REEP1: variants seen among roughly 807,000 people sequenced by gnomAD.
The protein encoded by REEP1 is receptor accessory protein 1.
Under a neutral mutation model 40.3 loss-of-function variants are expected in REEP1, and 22 were observed. The ratio of observed to expected loss-of-function variants is 0.55; its 90% CI spans 0.39 to 0.78. REEP1 has a LOEUF of 0.78. Ranked by LOEUF, REEP1 falls within the 30% of genes least tolerant of loss-of-function variation. The pLI is 0.00. For missense variants in REEP1, 280 were observed against 361.1 expected (o/e 0.78, Z 1.82); for synonymous variants, 116 against 139.2 (o/e 0.83, Z 1.17).
In REEP1 at chr2:86,216,879, A is replaced by G. The variant is rs533926785; in HGVS notation, c.*160T>C. 4 of 641,086 alleles carry G rather than the reference A, an allele frequency of 6.2e-6. No individual in the cohort carries two copies. In the East Asian group the frequency reaches 8.3e-5, roughly 13 times the overall value. The allele number at this position is 641,086 out of a possible 1,614,324, so 39.7% of individuals were successfully genotyped here. A position where few individuals can be genotyped will look rare whatever the true frequency, so the allele number is the denominator to read the frequency against. On this transcript the variant is annotated 3_prime_UTR_variant, in exon 9 of 9. Coordinates refer to ENST00000538924, the MANE Select transcript of REEP1 (RefSeq NM_001371279.1). ...GCAAAATAAAGAAAAGGGGGAAAAA[A>G]ATAAATCCTTAAAAGTGGAAGGGGA...
chr2:86,316,808 G>A (rs747736612), intron 1 of REEP1, among the ~76,000 whole-genome samples: 2 of 152,106 alleles, frequency 1.3e-5, no homozygotes, highest in Non-Finnish European at 1.5e-5. Flanking sequence ...GCAGTGGGCC[G>A]AGATCGTGCC....
At chr2:86,294,723 T>TCAGA (rs142324349) in intron 1 of REEP1, among the ~76,000 whole-genome samples, 15 of 148,866 alleles carry the variant, frequency 1.0e-4, no homozygotes, top group Non-Finnish European at 1.5e-4. Flanking sequence ...GATTTATATT[T>TCAGA]TAGATAGATA....
chr2:86,317,102 A>C (rs1308028029), intron 1 of REEP1, among the ~76,000 whole-genome samples: 1 of 152,184 alleles, frequency 6.6e-6, no homozygotes, highest in Non-Finnish European at 1.5e-5. Flanking sequence ...CACAATTGTC[A>C]GACCTGGGTC....
chr2:86,307,673 G>C (rs951125576), intron 1 of REEP1, among the ~76,000 whole-genome samples: 1 of 151,898 alleles, frequency 6.6e-6, no homozygotes, highest in African/African-American at 2.4e-5. Flanking sequence ...AGGCTGCCAT[G>C]AGCCGTGATG....
intron 1 of REEP1, among the ~76,000 whole-genome samples, chr2:86,282,553 C>A (rs1678155202): frequency 6.6e-6 from 1 of 151,204 alleles, no homozygotes; most frequent in Admixed American, 6.6e-5. Context: ...TTAAAGGCTG[C>A]CTTTCCTCTC....
rs1348890728 is a variant in REEP1, at chr2:86,326,687, G to A, written c.32+10792C>T. ...AGATCATGCCATTGCACTCCAGCCTGGGCGACAAGAGTAAAACTCCATCTC... is the reference window on the plus strand; with the variant it reads ...AGATCATGCCATTGCACTCCAGCCTAGGCGACAAGAGTAAAACTCCATCTC... On this transcript the variant is annotated intron_variant, in intron 1 of 8. Coordinates refer to ENST00000538924, the MANE Select transcript of REEP1 (RefSeq NM_001371279.1). 2.6e-5 allele frequency among the ~76,000 whole-genome samples: 4 copies of A among 151,634 alleles called. No individual in the cohort carries two copies. In the South Asian group the frequency reaches 8.4e-4, roughly 32 times the overall value.
chr2:86,324,935 A>G (rs986212226), intron 1 of REEP1, among the ~76,000 whole-genome samples: 1 of 152,258 alleles, frequency 6.6e-6, no homozygotes, highest in Non-Finnish European at 1.5e-5. Flanking sequence ...CAATAAAGGT[A>G]GTGTTCTAGT....
intron 1 of REEP1, among the ~76,000 whole-genome samples, chr2:86,286,408 T>A (rs1678402140): frequency 6.6e-6 from 1 of 152,170 alleles, no homozygotes; most frequent in South Asian, 2.1e-4. Flanking sequence ...CAAAGAATCA[T>A]CCATTCCAAA....
chr2:86,256,949 T>TA (rs1283696960), intron 3 of REEP1, among the ~76,000 whole-genome samples: 2 of 152,122 alleles, frequency 1.3e-5, no homozygotes, highest in East Asian at 3.9e-4. Flanking sequence ...CAGACACCCC[T>TA]ATCCCCCAGT....
At chr2:86,271,912 T>C (rs1338435104) in intron 2 of REEP1, among the ~76,000 whole-genome samples, 2 of 152,168 alleles carry the variant, frequency 1.3e-5, no homozygotes, top group African/African-American at 4.8e-5. Flanking sequence ...AAAAGGACAA[T>C]GATAACAATT....
chr2:86,317,362 C>A (rs895493235), intron 1 of REEP1, among the ~76,000 whole-genome samples: 47 of 152,080 alleles, frequency 3.1e-4, no homozygotes, highest in African/African-American at 1.1e-3. Flanking sequence ...AGTTGAATTT[C>A]TTAGGGTGGT....
chr2:86,241,721 C>T (rs967019625), intron 5 of REEP1, among the ~76,000 whole-genome samples: 4 of 152,214 alleles, frequency 2.6e-5, no homozygotes, highest in African/African-American at 9.7e-5. Flanking sequence ...TCACTCAAAC[C>T]CCTGCTTGGT....
chr2:86,229,868 T>C (rs553226496), intron 6 of REEP1, among the ~76,000 whole-genome samples: 34 of 152,122 alleles, frequency 2.2e-4, no homozygotes, highest in African/African-American at 8.0e-4. Context: ...CTCCTCAGCC[T>C]CCCAAAGTGC....
chr2:86,306,571 T>C (rs1679488048), intron 1 of REEP1, among the ~76,000 whole-genome samples: 2 of 152,200 alleles, frequency 1.3e-5, no homozygotes, highest in African/African-American at 4.8e-5. Context: ...AGCAACATTT[T>C]TCCAGAGGCT....
At chr2:86,249,668 C>T (rs1010843417) in intron 5 of REEP1, among the ~76,000 whole-genome samples, 4 of 151,824 alleles carry the variant, frequency 2.6e-5, no homozygotes, top group Non-Finnish European at 5.9e-5. Flanking sequence ...GCATGCAAGC[C>T]AGATTTGGAC....
rs1022954946 is a variant in REEP1 at position 86,238,599 on chromosome 2, T to C, written c.418-5797A>G. Among the ~76,000 whole-genome samples the C allele has an allele frequency of 4.6e-5, 7 of 152,214 alleles. No homozygotes were observed. In the East Asian group the frequency reaches 1.3e-3, roughly 29 times the overall value. On this transcript the variant is annotated intron_variant, in intron 5 of 8. Transcript: ENST00000538924. The stretch of plus-strand genomic sequence containing the variant: ...GTGGGAAATCCCCACCTCAGCCTGA[T>C]GCATCAGCCAGGGTCCCAGACCTGA...
rs1418101908 is a variant in REEP1, at chr2:86,215,205, A to G, written c.*1834T>C. ...TATTGGTGGGTGTGGGGCACAGAAC[A>G]TGAGCAAACAGCTTCTGTTTATCCT... On this transcript the variant is annotated 3_prime_UTR_variant, in exon 9 of 9. Transcript: ENST00000538924. 1 of 152,148 alleles carries G rather than the reference A, an allele frequency of 6.6e-6. No homozygotes were observed. Among genetic ancestry groups the G allele is most frequent in the East Asian group, 1.9e-4 (1 of 5,196 alleles). 9.4% of individuals were successfully genotyped at this position (152,148 alleles called of 1,614,324 possible). A position where few individuals can be genotyped will look rare whatever the true frequency, so the allele number is the denominator to read the frequency against.
intron 1 of REEP1, among the ~76,000 whole-genome samples, chr2:86,330,376 T>C (rs1680708945): frequency 6.6e-6 from 1 of 151,774 alleles, no homozygotes; most frequent in Admixed American, 6.6e-5. Context: ...CAGGTACTTA[T>C]GAGCTAGTAT....
chr2:86,242,021 C>T (rs1056464448), intron 5 of REEP1, among the ~76,000 whole-genome samples: 1 of 152,064 alleles, frequency 6.6e-6, no homozygotes, highest in Non-Finnish European at 1.5e-5. Flanking sequence ...AATGCCAGGG[C>T]CTGACTTTTT....
Sources: allele counts gnomAD v4.1 joint callset (sites outside exome capture counted in the v4.1 genomes callset), GRCh38; gene constraint gnomAD v4.1.1; transcripts MANE v1.5; gene names NCBI Gene and HGNC (gene_info 2026-07-23, HGNC 2026-07-21).